FAM171A1: variants seen among roughly 807,000 people sequenced by gnomAD.
FAM171A1 encodes the protein protein FAM171A1.
A neutral mutation model predicts 74.9 loss-of-function variants in FAM171A1; 23 were observed. The ratio of observed to expected loss-of-function variants is 0.31; its 90% CI spans 0.22 to 0.44. FAM171A1 has a LOEUF of 0.44. Among genes scored for constraint, FAM171A1 ranks in the 20% least tolerant of loss-of-function variants. The pLI is 1.00. For synonymous variants in FAM171A1, 527 were observed against 505.7 expected (o/e 1.04, Z -0.57); for missense variants, 1,162 against 1,159.2 (o/e 1.00, Z -0.03).
intron 1 of FAM171A1, among the ~76,000 whole-genome samples, chr10:15,307,646 CAA>C (rs560861841): frequency 1.1e-5 from 1 of 93,198 alleles, no homozygotes; most frequent in Non-Finnish European, 2.0e-5. Flanking sequence ...AACTCCATTT[CAA>C]AAAAAAAAAA....
rs879586523 is a variant in FAM171A1, at chr10:15,263,893, A to G, written c.419-9014T>C. Among the ~76,000 whole-genome samples, 197 of 134,544 alleles carry G rather than the reference A, an allele frequency of 1.5e-3. 1 individual carries two copies. Among genetic ancestry groups the G allele is most frequent in the Admixed American group, 2.2e-3 (30 of 13,650 alleles). The allele number at this position is 134,544 out of a possible 152,430, so 88.3% of individuals were successfully genotyped here. The stretch of plus-strand genomic sequence containing the variant: ...TATCTATCTATCTATCTATCTATCT[A>G]TCTATCTATCTATCCGTCCATCCTT... On this transcript the variant is annotated intron_variant, in intron 3 of 7. Transcript: ENST00000378116.
At chr10:15,251,415 T>G (rs1834506291) in intron 4 of FAM171A1, among the ~76,000 whole-genome samples, 1 of 151,580 alleles carries the variant, frequency 6.6e-6, no homozygotes, top group African/African-American at 2.4e-5. Flanking sequence ...TTTTTTTTTT[T>G]TTTTTTAGAC....
chr10:15,351,370 A>C (rs1588567046), intron 1 of FAM171A1, among the ~76,000 whole-genome samples: 1 of 152,004 alleles, frequency 6.6e-6, no homozygotes, highest in Admixed American at 6.6e-5. Flanking sequence ...TGGGATGAAC[A>C]CCTCCACGCT....
At chr10:15,352,780 G>A (rs1040029351) in intron 1 of FAM171A1, among the ~76,000 whole-genome samples, 7 of 152,178 alleles carry the variant, frequency 4.6e-5, no homozygotes, top group Non-Finnish European at 1.0e-4. Flanking sequence ...CCACTTGAAT[G>A]GTTCGCTCTG....
intron 1 of FAM171A1, among the ~76,000 whole-genome samples, chr10:15,344,649 T>A (rs73590831): frequency 0.078 from 11,888 of 152,266 alleles, 854 homozygotes; most frequent in African/African-American, 0.19. Context: ...TATATTAAAA[T>A]TTTATTTGTT....
At chr10:15,361,257 T>C (rs1007308323) in intron 1 of FAM171A1, among the ~76,000 whole-genome samples, 1 of 152,160 alleles carries the variant, frequency 6.6e-6, no homozygotes, top group African/African-American at 2.4e-5. Context: ...GACTCCTCTG[T>C]GAGGGAAGAG....
chr10:15,371,233 C>T lies in FAM171A1; in HGVS notation c.-181G>A, dbSNP rs1836143860. Reference sequence around the variant, plus strand: ...CCTCCCGCGCCCCGCGCCGGGTTTCCCCGAAGAGCCGCGGCGGCGGCGGCG... The same window carrying T: ...CCTCCCGCGCCCCGCGCCGGGTTTCTCCGAAGAGCCGCGGCGGCGGCGGCG... On this transcript the variant is annotated 5_prime_UTR_variant, in exon 1 of 8. Coordinates refer to ENST00000378116, the MANE Select transcript of FAM171A1 (RefSeq NM_001010924.2). Among the ~76,000 whole-genome samples, 1 of 137,794 alleles carries T rather than the reference C, an allele frequency of 7.3e-6. No homozygotes were observed. The highest frequency in any genetic ancestry group is 2.5e-5 in the African/African-American group (1 of 39,688). 90.4% of individuals were successfully genotyped at this position (137,794 alleles called of 152,430 possible). A position where few individuals can be genotyped will look rare whatever the true frequency, so the allele number is the denominator to read the frequency against.
At chr10:15,278,823 T>A (rs1055156458) in intron 2 of FAM171A1, among the ~76,000 whole-genome samples, 1 of 152,180 alleles carries the variant, frequency 6.6e-6, no homozygotes. Context: ...AATTAGTCAC[T>A]GTTGGGAGGA....
intron 1 of FAM171A1, among the ~76,000 whole-genome samples, chr10:15,355,104 T>A (rs1273069230): frequency 6.6e-6 from 1 of 152,218 alleles, no homozygotes; most frequent in Non-Finnish European, 1.5e-5. Context: ...TTTGTTTGTT[T>A]GCAACAGGGT....
intron 4 of FAM171A1, among the ~76,000 whole-genome samples, chr10:15,253,481 C>A (rs1199600420): frequency 2.0e-5 from 3 of 152,084 alleles, no homozygotes; most frequent in African/African-American, 7.2e-5. Flanking sequence ...CTCATCAGCA[C>A]ACAAAAATTA....
At chr10:15,333,660 C>T (rs1835667884) in intron 1 of FAM171A1, among the ~76,000 whole-genome samples, 1 of 152,088 alleles carries the variant, frequency 6.6e-6, no homozygotes, top group Middle Eastern at 3.4e-3. Context: ...AGACCCCCAA[C>T]TTTACAAAAA....
intron 1 of FAM171A1, among the ~76,000 whole-genome samples, chr10:15,291,767 G>A (rs1389538360): frequency 1.3e-5 from 2 of 152,116 alleles, no homozygotes; most frequent in African/African-American, 4.8e-5. Flanking sequence ...GGACTTGCAG[G>A]GAGGCCAGGT....
At chr10:15,238,959 G>A (rs539605811) in intron 5 of FAM171A1, among the ~76,000 whole-genome samples, 46 of 149,886 alleles carry the variant, frequency 3.1e-4, no homozygotes, top group African/African-American at 9.3e-4. Context: ...TACAGGATCC[G>A]TAAATCTTTA....
At chr10:15,328,990 A>C (rs1379976987) in intron 1 of FAM171A1, among the ~76,000 whole-genome samples, 2 of 152,222 alleles carry the variant, frequency 1.3e-5, no homozygotes, top group Non-Finnish European at 2.9e-5. Context: ...GCGGTTAAGT[A>C]ATCCACTTTC....
At chr10:15,305,815 G>A (rs2131832296) in intron 1 of FAM171A1, among the ~76,000 whole-genome samples, 1 of 152,270 alleles carries the variant, frequency 6.6e-6, no homozygotes, top group East Asian at 1.9e-4. Flanking sequence ...GACACTGTGG[G>A]GTGAACCCAT....
At chr10:15,257,512 G>C (rs1431791713) in intron 3 of FAM171A1, among the ~76,000 whole-genome samples, 1 of 152,252 alleles carries the variant, frequency 6.6e-6, no homozygotes, top group East Asian at 1.9e-4. Flanking sequence ...ATGCATTTGG[G>C]TGGGCAACAC....
At chr10:15,365,668 G>A (rs572501246) in intron 1 of FAM171A1, among the ~76,000 whole-genome samples, 42 of 152,116 alleles carry the variant, frequency 2.8e-4, no homozygotes, top group African/African-American at 8.9e-4. Flanking sequence ...TACTAGGGAG[G>A]CCGAGGCAGG....
chr10:15,224,297 T>A (rs1179800433), intron 5 of FAM171A1, among the ~76,000 whole-genome samples: 1 of 151,842 alleles, frequency 6.6e-6, no homozygotes, highest in Non-Finnish European at 1.5e-5. Flanking sequence ...AAGATGGAAG[T>A]GGGGATGGGA....
intron 1 of FAM171A1, among the ~76,000 whole-genome samples, chr10:15,319,389 G>T (rs778287398): frequency 6.6e-6 from 1 of 152,204 alleles, no homozygotes; most frequent in Admixed American, 6.5e-5. Context: ...GGAAGGATGG[G>T]ATGGGGGTGA....
Sources: gnomAD v4.1 joint callset for allele counts (sites outside exome capture counted in the v4.1 genomes callset) on GRCh38, gnomAD v4.1.1 for gene constraint, MANE v1.5 for transcripts, NCBI Gene and HGNC (gene_info 2026-07-23, HGNC 2026-07-21) for gene names.